The following DAB1 variants were observed in gnomAD, a reference collection of about 807,000 sequenced individuals.
DAB1 encodes the protein DAB adaptor protein 1, also known as disabled homolog 1.
In DAB1, 15 loss-of-function variants were observed where a neutral mutation model predicts 64.6. The ratio of observed to expected loss-of-function variants is 0.23; its 90% CI spans 0.16 to 0.36. The LOEUF (loss-of-function observed/expected upper bound fraction) is 0.36, where lower values mean the gene tolerates loss of function less well. Among genes scored for constraint, DAB1 ranks in the 10% least tolerant of loss-of-function variants. The pLI is 1.00. For synonymous variants in DAB1, 235 were observed against 251.9 expected (o/e 0.93, Z 0.64); for missense variants, 596 against 706.7 (o/e 0.84, Z 1.78).
chr1:57,858,663 CA>C (rs1038802606), intron 1 of DAB1, among the ~76,000 whole-genome samples: 1 of 151,684 alleles, frequency 6.6e-6, no homozygotes, highest in African/African-American at 2.4e-5. Context: ...CATCCCCCAC[CA>C]AAGTTCTGGC....
chr1:58,199,385 T>C (rs1011712818), intron 4 of DAB1, among the ~76,000 whole-genome samples: 2 of 152,210 alleles, frequency 1.3e-5, no homozygotes, highest in African/African-American at 4.8e-5. Flanking sequence ...GGAATAACAA[T>C]GTCTGACCTT....
intron 7 of DAB1, among the ~76,000 whole-genome samples, chr1:57,522,555 G>T (rs1257877935): frequency 6.6e-6 from 1 of 152,186 alleles, no homozygotes; most frequent in Non-Finnish European, 1.5e-5. Flanking sequence ...GGGCTGGGGA[G>T]GCCTCACAAT....
At chr1:57,747,267 C>T (rs1423103146) in intron 6 of DAB1, among the ~76,000 whole-genome samples, 5 of 152,114 alleles carry the variant, frequency 3.3e-5, no homozygotes, top group Admixed American at 1.3e-4. Flanking sequence ...TGTGCTTGCC[C>T]CAACCTTGGA....
chr1:58,472,135 T>C (rs1333347638), intron 3 of DAB1, among the ~76,000 whole-genome samples: 6 of 152,196 alleles, frequency 3.9e-5, no homozygotes, highest in African/African-American at 1.4e-4. Flanking sequence ...CACTTAGGAC[T>C]TCTGTTCACC....
At chr1:57,691,971 C>A (rs1183784222) in intron 6 of DAB1, among the ~76,000 whole-genome samples, 1 of 152,034 alleles carries the variant, frequency 6.6e-6, no homozygotes, top group Non-Finnish European at 1.5e-5. Context: ...CTCTAACAAC[C>A]CCCAACTCTT....
rs559620131 is a variant in DAB1 at position 58,314,982 on chromosome 1, G to C, written n.309+28370C>G. Among the ~76,000 whole-genome samples the C allele has an allele frequency of 2.6e-5, 4 of 152,322 alleles. No homozygotes were observed. The Middle Eastern group carries it at 0.01, about 389-fold the overall frequency. The stretch of plus-strand genomic sequence containing the variant: ...CCTCCAAACAATGAACATCCAGTGA[G>C]ACTCTAATGCTACTAAGAATCCAAG... On this transcript the variant is annotated intron_variant and non_coding_transcript_variant, in intron 4 of 20. Transcript: ENST00000485760.
intron 9 of DAB1, among the ~76,000 whole-genome samples, chr1:57,032,689 A>G (rs774528116): frequency 1.1e-4 from 17 of 152,118 alleles, no homozygotes; most frequent in Admixed American, 2.0e-4. Flanking sequence ...TTGAGGTAAA[A>G]CCTAGTCACT....
chr1:57,960,368 T>A (rs369191137), intron 5 of DAB1, among the ~76,000 whole-genome samples: 74 of 152,250 alleles, frequency 4.9e-4, no homozygotes, highest in African/African-American at 1.7e-3. Context: ...GAAGATTTTT[T>A]AAAAATTCCT....
At chr1:57,846,379 A>G (rs1440712694) in intron 1 of DAB1, among the ~76,000 whole-genome samples, 1 of 150,054 alleles carries the variant, frequency 6.7e-6, no homozygotes, top group Non-Finnish European at 1.5e-5. Flanking sequence ...AATGGTGTGA[A>G]CCCGGGAGGC....
chr1:58,325,736 A>G (rs896082061), intron 4 of DAB1, among the ~76,000 whole-genome samples: 3 of 152,214 alleles, frequency 2.0e-5, no homozygotes, highest in African/African-American at 7.2e-5. Context: ...AATACTCTAT[A>G]AATATTTGTT....
At chr1:57,150,907 G>A (rs527867732) in intron 2 of DAB1, among the ~76,000 whole-genome samples, 7 of 152,274 alleles carry the variant, frequency 4.6e-5, no homozygotes, top group African/African-American at 1.7e-4. Context: ...TGCAATCCCA[G>A]CACTTTGAGA....
chr1:58,123,989 C>T (rs1181921329), intron 5 of DAB1, among the ~76,000 whole-genome samples: 1 of 152,030 alleles, frequency 6.6e-6, no homozygotes, highest in Non-Finnish European at 1.5e-5. Context: ...ATGATATAGA[C>T]TATTTTAAAA....
chr1:58,102,415 T>G (rs1651377757), intron 5 of DAB1, among the ~76,000 whole-genome samples: 1 of 152,180 alleles, frequency 6.6e-6, no homozygotes, highest in African/African-American at 2.4e-5. Context: ...TGAAACTGGT[T>G]GCTGGAATGG....
At chr1:57,058,040 G>A (rs1375236542) in intron 9 of DAB1, among the ~76,000 whole-genome samples, 1 of 152,094 alleles carries the variant, frequency 6.6e-6, no homozygotes, top group Non-Finnish European at 1.5e-5. Context: ...TCCAACCCTA[G>A]GTAGGATGAA....
At chr1:58,529,293 TTAAA>T (rs1434522370) in intron 1 of DAB1, among the ~76,000 whole-genome samples, 36 of 152,142 alleles carry the variant, frequency 2.4e-4, no homozygotes, top group African/African-American at 8.2e-4. Flanking sequence ...CCACAAATCA[TTAAA>T]TAAACAAATA....
intron 1 of DAB1, among the ~76,000 whole-genome samples, chr1:57,304,226 T>C (rs370960942): frequency 6.6e-6 from 1 of 152,102 alleles, no homozygotes; most frequent in African/African-American, 2.4e-5. Context: ...AGGTGCCTCA[T>C]ACTTTTAAAC....
At chr1:58,201,309 A>C (rs1167120010) in intron 4 of DAB1, among the ~76,000 whole-genome samples, 73 of 152,128 alleles carry the variant, frequency 4.8e-4, no homozygotes, top group Non-Finnish European at 1.2e-4. Flanking sequence ...TAATTAATTC[A>C]GTTGTCTCCT....
At chr1:57,882,078 A>G (rs1372056751) in intron 1 of DAB1, among the ~76,000 whole-genome samples, 1 of 152,226 alleles carries the variant, frequency 6.6e-6, no homozygotes, top group African/African-American at 2.4e-5. Flanking sequence ...GAGCCTTTAA[A>G]AAGAGAGATT....
intron 2 of DAB1, among the ~76,000 whole-genome samples, chr1:57,273,570 C>T (rs1447758189): frequency 1.6e-3 from 91 of 57,652 alleles, no homozygotes; most frequent in African/African-American, 6.8e-3. Flanking sequence ...TTCCTTCCTT[C>T]CTTCCTTCCT....
Sources: allele counts gnomAD v4.1 joint callset (sites outside exome capture counted in the v4.1 genomes callset), GRCh38; gene constraint gnomAD v4.1.1; transcripts MANE v1.5; gene names NCBI Gene and HGNC (gene_info 2026-07-23, HGNC 2026-07-21).